TXNDC16: variants seen among roughly 807,000 people sequenced by gnomAD.
TXNDC16 encodes thioredoxin domain containing 16.
In TXNDC16, 74 loss-of-function variants were observed where a neutral mutation model predicts 85.6. The ratio of observed to expected loss-of-function variants is 0.86; its 90% CI spans 0.72 to 1.05. TXNDC16 has a LOEUF of 1.05. Among genes scored for constraint, TXNDC16 ranks in the 50% least tolerant of loss-of-function variants. The probability of loss-of-function intolerance (pLI) is 0.00; values close to 1 mark genes in which losing one functional copy is unlikely to be tolerated. For missense variants in TXNDC16, 959 were observed against 947.0 expected (o/e 1.01, Z -0.17); for synonymous variants, 335 against 326.5 (o/e 1.03, Z -0.28).
chr14:52,494,048 T>C (rs959757862), intron 9 of TXNDC16, among the ~76,000 whole-genome samples: 33 of 152,054 alleles, frequency 2.2e-4, no homozygotes, highest in South Asian at 1.5e-3. Context: ...CCCAAAGTGA[T>C]TCCTATCACC....
intron 18 of TXNDC16, among the ~76,000 whole-genome samples, chr14:52,449,138 GAC>G (rs971639269): frequency 1.3e-5 from 2 of 151,150 alleles, no homozygotes; most frequent in East Asian, 2.0e-4. Context: ...CCAGTCAAAA[GAC>G]ACAGAATGGC....
rs1223545890 is a variant in TXNDC16 at position 52,531,859 on chromosome 14, T to C, written c.392+4860A>G. Among the ~76,000 whole-genome samples, 18 of 152,172 alleles carry C rather than the reference T, an allele frequency of 1.2e-4. 1 individual carries two copies. Among genetic ancestry groups the C allele is most frequent in the Admixed American group, 1.2e-3 (18 of 15,268 alleles). Reference sequence around the variant, plus strand: ...AATTGTAACAACTGTACCACACTAATGCAAAATGTTAATAATAGGGAAAAT... The same window carrying C: ...AATTGTAACAACTGTACCACACTAACGCAAAATGTTAATAATAGGGAAAAT... On this transcript the variant is annotated intron_variant, in intron 6 of 20. Coordinates refer to ENST00000281741, the MANE Select transcript of TXNDC16 (RefSeq NM_020784.3).
At chr14:52,517,370 T>G (rs549849377) in intron 7 of TXNDC16, among the ~76,000 whole-genome samples, 1 of 152,228 alleles carries the variant, frequency 6.6e-6, no homozygotes, top group Middle Eastern at 3.4e-3. Context: ...TGGTGTCACT[T>G]TAAATTGCTG....
Position 52,534,748 on chromosome 14 carries a change from G to T in TXNDC16, c.392+1971C>A, listed in dbSNP as rs188249724. Among the ~76,000 whole-genome samples, 1,154 of 152,126 alleles carry T rather than the reference G, an allele frequency of 7.6e-3. 10 individuals are homozygous for T. The highest frequency in any genetic ancestry group is 0.015 in the Admixed American group (235 of 15,274). The stretch of plus-strand genomic sequence containing the variant: ...TTATCACATATTAATAATATTTTCT[G>T]TTTATCTGTCTGTGCAACACTAAAT... On this transcript the variant is annotated intron_variant, in intron 6 of 20. Coordinates refer to ENST00000281741, the MANE Select transcript of TXNDC16 (RefSeq NM_020784.3).
intron 6 of TXNDC16, among the ~76,000 whole-genome samples, chr14:52,534,193 A>G (rs1487153565): frequency 1.3e-5 from 2 of 152,000 alleles, no homozygotes; most frequent in Non-Finnish European, 2.9e-5. Context: ...GAAAACAAAA[A>G]TTCCCTTCCT....
intron 8 of TXNDC16, among the ~76,000 whole-genome samples, chr14:52,514,573 A>G (rs1266559549): frequency 6.6e-6 from 1 of 152,052 alleles, no homozygotes; most frequent in Non-Finnish European, 1.5e-5. Context: ...CTGTTATTTT[A>G]CCCCCTATCT....
intron 9 of TXNDC16, among the ~76,000 whole-genome samples, chr14:52,510,571 C>G (rs6572849): frequency 0.51 from 77,895 of 152,064 alleles, 20,923 homozygotes; most frequent in East Asian, 0.7. Context: ...TCTGAGTAGA[C>G]GGATTAAGTG....
Position 52,431,366 on chromosome 14 carries a change from TTAAAATA to T in TXNDC16, c.*931_*937del, listed in dbSNP as rs1445713134. On this transcript the variant is annotated 3_prime_UTR_variant, in exon 21 of 21. Coordinates refer to ENST00000281741, the MANE Select transcript of TXNDC16 (RefSeq NM_020784.3). ...AATAAGAGGAGGTTTTAAGACTCAC[TTAAAATA>T]TAAATATCATTCTGAGTCCTCTTCT... is the stretch of plus-strand genomic sequence containing the variant. 1 of 152,220 alleles carries T rather than the reference TTAAAATA, an allele frequency of 6.6e-6. No individual in the cohort carries two copies. The highest frequency in any genetic ancestry group is 1.5e-5 in the Non-Finnish European group (1 of 68,042). 9.4% of individuals were successfully genotyped at this position (152,220 alleles called of 1,614,324 possible).
At chr14:52,504,272 A>T (rs1047409632) in intron 9 of TXNDC16, among the ~76,000 whole-genome samples, 1 of 152,218 alleles carries the variant, frequency 6.6e-6, no homozygotes, top group Non-Finnish European at 1.5e-5. Flanking sequence ...TAATTGTCAG[A>T]TTCACCAAAG....
At chr14:52,509,081 C>T (rs1278879908) in intron 9 of TXNDC16, among the ~76,000 whole-genome samples, 1 of 151,512 alleles carries the variant, frequency 6.6e-6, no homozygotes, top group Non-Finnish European at 1.5e-5. Flanking sequence ...TACATAATTC[C>T]TAGTAAGCAT....
chr14:52,460,004 G>A (rs563833161), intron 16 of TXNDC16, among the ~76,000 whole-genome samples: 1 of 152,246 alleles, frequency 6.6e-6, no homozygotes, highest in South Asian at 2.1e-4. Context: ...CACAAGACAA[G>A]GACACCCTCT....
At chr14:52,488,834 A>AAAAAAAC (rs2036334530) in intron 11 of TXNDC16, among the ~76,000 whole-genome samples, 1 of 125,538 alleles carries the variant, frequency 8.0e-6, no homozygotes, top group South Asian at 2.8e-4. Context: ...ACTCTGGGAA[A>AAAAAAAC]AAAAAAAAAA....
Position 52,543,450 on chromosome 14 carries a change from A to G in TXNDC16, c.108T>C (p.Tyr36=), listed in dbSNP as rs772192583. The G allele has an allele frequency of 3.1e-6, 5 of 1,613,262 alleles. No individual in the cohort carries two copies. The highest frequency in any genetic ancestry group is 4.5e-5 in the East Asian group (2 of 44,818). Reference sequence around the variant, plus strand: ...CTTTTCCTGGTTGCAATGTACTAAAATATTTCTGAGGACTCAGTTCTGGTA... The same window carrying G: ...CTTTTCCTGGTTGCAATGTACTAAAGTATTTCTGAGGACTCAGTTCTGGTA... ...NSLPELSPQK[Y]FSTLQPGKAS... Residue 36 remains tyrosine, a synonymous_variant, in exon 3 of 21, where the codon TAT becomes TAC. Coordinates refer to ENST00000281741, the MANE Select transcript of TXNDC16 (RefSeq NM_020784.3).
Position 52,488,369 on chromosome 14 carries a change from C to A in TXNDC16, c.1102G>T (p.Asp368Tyr). 6.2e-7 allele frequency: 1 copy of A among 1,613,426 alleles called. No homozygotes were observed. The highest frequency in any genetic ancestry group is 2.2e-5 in the East Asian group (1 of 44,838). ...GAGAATCATAACACATTACCTATAT[C>A]TGGACCTTCCATGTCATTGTCTTCA... is the stretch of plus-strand genomic sequence containing the variant. ...EDEDNDMEGPDIDVQDDEVAE... is the reference protein window; with the variant it reads ...EDEDNDMEGPYIDVQDDEVAE... Residue 368 changes from aspartate to tyrosine, a missense_variant, in exon 12 of 21, where the codon GAT becomes TAT. Physicochemically the swap from Asp to Tyr is radical, Grantham distance 160. Transcript: ENST00000281741.
chr14:52,528,898 TTA>T (rs879745822), intron 6 of TXNDC16, among the ~76,000 whole-genome samples: 136 of 147,544 alleles, frequency 9.2e-4, no homozygotes, highest in Non-Finnish European at 1.7e-3. Context: ...ATAATACCTA[TTA>T]TATATATTAT....
intron 12 of TXNDC16, among the ~76,000 whole-genome samples, chr14:52,487,598 C>G (rs2036300632): frequency 6.6e-6 from 1 of 152,138 alleles, no homozygotes; most frequent in Non-Finnish European, 1.5e-5. Context: ...CCAACTGTTA[C>G]ACTTAAAAAA....
Position 52,439,226 on chromosome 14 carries a change from T to C in TXNDC16, c.2172A>G (p.Glu724=). The change falls in exon 20 of 21, where the codon GAA becomes GAG. Residue 724 remains glutamate, a synonymous_variant. Transcript: ENST00000281741. The stretch of plus-strand genomic sequence containing the variant: ...TACTGATATGATTTTCTAGTCCTGC[T>C]TCTAATTTCTTCAGCCACAATACAA... The part of the protein sequence containing the change: ...ENLVLWLKKL[E]AGLENHITIL... 1 of 1,613,960 alleles carries C rather than the reference T, an allele frequency of 6.2e-7. No individual in the cohort carries two copies. Among genetic ancestry groups the C allele is most frequent in the Non-Finnish European group, 8.5e-7 (1 of 1,179,946 alleles).
chr14:52,507,541 C>A (rs11157917), intron 9 of TXNDC16, among the ~76,000 whole-genome samples: 38,729 of 151,842 alleles, frequency 0.26, 5,012 homozygotes, highest in East Asian at 0.38. Context: ...CAATGACTTT[C>A]TTCACAGAAT....
chr14:52,475,997 C>T (rs115215002), intron 14 of TXNDC16, among the ~76,000 whole-genome samples: 1,842 of 152,258 alleles, frequency 0.012, 36 homozygotes, highest in African/African-American at 0.041. Flanking sequence ...TGGTTGACAC[C>T]ACAGGACTCT....
Sources: allele counts gnomAD v4.1 joint callset (sites outside exome capture counted in the v4.1 genomes callset), GRCh38; gene constraint gnomAD v4.1.1; transcripts MANE v1.5; gene names NCBI Gene and HGNC (gene_info 2026-07-23, HGNC 2026-07-21).